The following PPP2R2B variants were observed in gnomAD, a reference collection of about 807,000 sequenced individuals.
PPP2R2B encodes protein phosphatase 2 regulatory subunit Bbeta, also known as serine/threonine-protein phosphatase 2A 55 kDa regulatory subunit B beta isoform.
Under a neutral mutation model 46.0 loss-of-function variants are expected in PPP2R2B, and 5 were observed. The observed-to-expected ratio is 0.11, with a 90% CI of 0.06 to 0.23. PPP2R2B has a LOEUF of 0.23. Ranked by LOEUF, PPP2R2B falls within the 10% of genes least tolerant of loss-of-function variation. The pLI is 1.00. For missense variants in PPP2R2B, 367 were observed against 575.0 expected, an observed-to-expected ratio of 0.64 and a Z score of 3.70; for synonymous variants, 215 against 206.7, an observed-to-expected ratio of 1.04 and a Z score of -0.34.
At chr5:146,808,999 G>GCA (rs1561924033) in intron 2 of PPP2R2B, among the ~76,000 whole-genome samples, 20 of 151,752 alleles carry the variant, frequency 1.3e-4, no homozygotes, top group African/African-American at 4.8e-4. Flanking sequence ...GTGTGTGCGC[G>GCA]CGCACCCACT....
chr5:146,646,718 T>C lies in PPP2R2B; in HGVS notation c.625+3829A>G, dbSNP rs114215777. On this transcript the variant is annotated intron_variant, in intron 6 of 9. Transcript: ENST00000394411. ...GAAAAGACAATCCAGATAATAAAAT[T>C]AGCAGAATAAAAGCTACCATTCTAA... Among the ~76,000 whole-genome samples, 584 of 152,254 alleles carry C rather than the reference T, an allele frequency of 3.8e-3. 4 individuals carry two copies. Among genetic ancestry groups the C allele is most frequent in the African/African-American group, 0.014 (565 of 41,538 alleles).
intron 2 of PPP2R2B, among the ~76,000 whole-genome samples, chr5:146,791,892 T>C (rs1013457811): frequency 2.0e-5 from 3 of 152,326 alleles, no homozygotes; most frequent in African/African-American, 7.2e-5. Context: ...GAGGTGCTGA[T>C]TCCTCCCGCC....
At chr5:146,977,153 A>G (rs1752948890) in intron 1 of PPP2R2B, among the ~76,000 whole-genome samples, 1 of 152,024 alleles carries the variant, frequency 6.6e-6, no homozygotes, top group Admixed American at 6.6e-5. Flanking sequence ...AATGGTCATC[A>G]TTTTTCACCC....
At chr5:146,978,651 G>A (rs1263195838) in intron 1 of PPP2R2B, among the ~76,000 whole-genome samples, 2 of 151,944 alleles carry the variant, frequency 1.3e-5, no homozygotes, top group East Asian at 3.9e-4. Context: ...TCTTGTTTTT[G>A]TCAGGTTTGT....
chr5:146,675,044 C>T (rs200428931), intron 5 of PPP2R2B, among the ~76,000 whole-genome samples: 1 of 152,104 alleles, frequency 6.6e-6, no homozygotes, highest in Non-Finnish European at 1.5e-5. Flanking sequence ...CTCACTGCAA[C>T]CTCCACCTCC....
chr5:147,001,180 G>A (rs944965859), intron 1 of PPP2R2B, among the ~76,000 whole-genome samples: 1 of 152,154 alleles, frequency 6.6e-6, no homozygotes, highest in Non-Finnish European at 1.5e-5. Context: ...CCAAATAAGG[G>A]AATAAAAGCT....
intron 2 of PPP2R2B, among the ~76,000 whole-genome samples, chr5:147,066,416 G>A (rs1456321170): frequency 6.6e-6 from 1 of 152,150 alleles, no homozygotes; most frequent in Non-Finnish European, 1.5e-5. Context: ...TGTTACAGAT[G>A]AAGAAACTGA....
rs79450821 is a variant in PPP2R2B, at chr5:146,705,820, T to C, written c.71-4678A>G. 6.1e-3 allele frequency among the ~76,000 whole-genome samples: 923 copies of C among 152,284 alleles called. 12 individuals are homozygous for C. Among genetic ancestry groups the C allele is most frequent in the African/African-American group, 0.021 (881 of 41,556 alleles). ...CTGGGATTATGCCAAGATGACCTTG[T>C]TGAAAGATGTTAATATGTCATAAAA... On this transcript the variant is annotated intron_variant, in intron 2 of 9. Transcript: ENST00000394411.
At chr5:146,931,162 ATC>A (rs1443134657) in intron 1 of PPP2R2B, among the ~76,000 whole-genome samples, 1 of 152,124 alleles carries the variant, frequency 6.6e-6, no homozygotes, top group Non-Finnish European at 1.5e-5. Flanking sequence ...AGAAAGTGAT[ATC>A]TCTGTAACGC....
At position 146,643,312 on chromosome 5, in the gene PPP2R2B, G is replaced by C. The variant is rs188343650; in HGVS notation, c.626-4897C>G. On this transcript the variant is annotated intron_variant, in intron 6 of 9. Transcript: ENST00000394411. ...TACTCTTCTGGGTGCAGGAGATACA[G>C]TAGTGACCAAAGCAGGCCCCAAGCC... Among the ~76,000 whole-genome samples the C allele has an allele frequency of 1.5e-3, 222 of 152,244 alleles. 1 individual carries two copies. Among genetic ancestry groups the C allele is most frequent in the African/African-American group, 4.9e-3 (204 of 41,522 alleles).
At chr5:146,978,488 C>A (rs935623523) in intron 1 of PPP2R2B, among the ~76,000 whole-genome samples, 4 of 152,036 alleles carry the variant, frequency 2.6e-5, no homozygotes, top group Non-Finnish European at 5.9e-5. Context: ...TCTTCTAGGG[C>A]TTTTATGATT....
intron 2 of PPP2R2B, among the ~76,000 whole-genome samples, chr5:146,753,400 G>A (rs116808027): frequency 0.043 from 6,592 of 152,256 alleles, 144 homozygotes; most frequent in African/African-American, 0.054. Flanking sequence ...ACCTCAATAA[G>A]TTTGTATTGA....
intron 5 of PPP2R2B, among the ~76,000 whole-genome samples, chr5:146,665,237 T>C (rs1258900757): frequency 1.3e-5 from 2 of 152,252 alleles, no homozygotes; most frequent in African/African-American, 2.4e-5. Context: ...TCTTCCAACA[T>C]AAGGCTCTCT....
intron 2 of PPP2R2B, among the ~76,000 whole-genome samples, chr5:146,866,049 G>A (rs2151401566): frequency 6.6e-6 from 1 of 152,302 alleles, no homozygotes; most frequent in Middle Eastern, 3.4e-3. Flanking sequence ...TGTAAATAGA[G>A]TTTCACTAGA....
chr5:146,962,444 G>A (rs1752215037), intron 1 of PPP2R2B, among the ~76,000 whole-genome samples: 1 of 151,674 alleles, frequency 6.6e-6, no homozygotes, highest in African/African-American at 2.4e-5. Context: ...GGATCACGAG[G>A]TCAGGAGTTC....
At chr5:147,055,080 C>T (rs1757012652) in intron 1 of PPP2R2B, among the ~76,000 whole-genome samples, 1 of 152,106 alleles carries the variant, frequency 6.6e-6, no homozygotes, top group South Asian at 2.1e-4. Context: ...CTCAGCCTAC[C>T]CTCTCTTTAA....
intron 1 of PPP2R2B, among the ~76,000 whole-genome samples, chr5:146,987,141 T>C (rs1333856474): frequency 2.6e-5 from 4 of 152,150 alleles, no homozygotes; most frequent in Non-Finnish European, 5.9e-5. Context: ...CAACTGAGAA[T>C]ACTATATCTG....
Position 146,817,440 on chromosome 5 carries a change from ATATT to A in PPP2R2B, c.70+60558_70+60561del, listed in dbSNP as rs140955930. Among the ~76,000 whole-genome samples, 172 of 152,310 alleles carry A rather than the reference ATATT, an allele frequency of 1.1e-3. 2 individuals carry two copies. The highest frequency in any genetic ancestry group is 4.0e-3 in the African/African-American group (166 of 41,562). ...TATTTATATGCAAATAAATTTGCAT[ATATT>A]TATAGTGTACAGTGTGATCTTTTAA... On this transcript the variant is annotated intron_variant, in intron 2 of 9. Coordinates refer to ENST00000394411, the MANE Select transcript of PPP2R2B (RefSeq NM_181675.4).
chr5:146,680,645 G>C (rs1261534176), intron 5 of PPP2R2B, among the ~76,000 whole-genome samples: 1 of 152,060 alleles, frequency 6.6e-6, no homozygotes, highest in Non-Finnish European at 1.5e-5. Flanking sequence ...TTTAAGCTAG[G>C]GTTTCCTATA....
Sources: gnomAD v4.1 joint callset for allele counts (sites outside exome capture counted in the v4.1 genomes callset) on GRCh38, gnomAD v4.1.1 for gene constraint, MANE v1.5 for transcripts, NCBI Gene and HGNC (gene_info 2026-07-23, HGNC 2026-07-21) for gene names.